CDH4: variants seen among roughly 807,000 people sequenced by gnomAD.
The protein encoded by CDH4 is cadherin 4, also known as cadherin-4.
Under a neutral mutation model 86.0 loss-of-function variants are expected in CDH4, and 33 were observed. The ratio of observed to expected loss-of-function variants is 0.38; its 90% confidence interval spans 0.29 to 0.51. The LOEUF is 0.51. CDH4 is among the 20% of genes least tolerant of loss of function. The pLI, the probability that CDH4 is intolerant of heterozygous loss-of-function variation, is 0.86. For synonymous variants in CDH4, 555 were observed against 549.4 expected, an observed-to-expected ratio of 1.01 and a Z score of -0.14; for missense variants, 1,114 against 1,307.4, an observed-to-expected ratio of 0.85 and a Z score of 2.28.
At position 61,829,568 on chromosome 20, in the gene CDH4, C is replaced by T. The variant is rs1012774685; in HGVS notation, c.577-15100C>T. Among the ~76,000 whole-genome samples, 11 of 152,350 alleles carry T rather than the reference C, an allele frequency of 7.2e-5. No homozygotes were observed. Among genetic ancestry groups the T allele is most frequent in the African/African-American group, 2.6e-4 (11 of 41,584 alleles). On this transcript the variant is annotated intron_variant, in intron 4 of 15. Coordinates refer to ENST00000614565, the MANE Select transcript of CDH4 (RefSeq NM_001794.5). The surrounding 1 kb of genome is among the most constrained non-coding windows in gnomAD (Gnocchi z 4.2). ...GCTCTGCTCGCCTTTCTGGAGGCCACGAGCCTGTTTTCCACGGCGGCTCTG... is the reference window on the plus strand; with the variant it reads ...GCTCTGCTCGCCTTTCTGGAGGCCATGAGCCTGTTTTCCACGGCGGCTCTG...
At chr20:61,579,051 C>A (rs911649809) in intron 2 of CDH4, among the ~76,000 whole-genome samples, 2 of 152,128 alleles carry the variant, frequency 1.3e-5, no homozygotes, top group African/African-American at 4.8e-5. Context: ...CTCAGTCCTG[C>A]GGGGCCATGC....
At chr20:61,441,671 G>A (rs1321970703) in intron 2 of CDH4, among the ~76,000 whole-genome samples, 1 of 152,158 alleles carries the variant, frequency 6.6e-6, no homozygotes, top group African/African-American at 2.4e-5. Flanking sequence ...TTCCATGTGA[G>A]CACACATAGA....
chr20:61,480,009 T>C lies in CDH4; in HGVS notation c.169+225072T>C, dbSNP rs1373802562. On this transcript the variant is annotated intron_variant, in intron 2 of 15. Coordinates refer to ENST00000614565, the MANE Select transcript of CDH4 (RefSeq NM_001794.5). This position sits in a 1 kb window ranked among gnomAD's most constrained non-coding sequence, Gnocchi z 5.2. ...TGTGTATTTTTCATTTCAGACCTTATAGTTTTCATCTATAGAAGTCTGATT... is the reference window on the plus strand; with the variant it reads ...TGTGTATTTTTCATTTCAGACCTTACAGTTTTCATCTATAGAAGTCTGATT... 2.0e-5 allele frequency among the ~76,000 whole-genome samples: 3 copies of C among 152,244 alleles called. No homozygotes were observed. Among genetic ancestry groups the C allele is most frequent in the African/African-American group, 4.8e-5 (2 of 41,464 alleles).
chr20:61,412,227 A>G (rs2085123533), intron 2 of CDH4, among the ~76,000 whole-genome samples: 1 of 152,170 alleles, frequency 6.6e-6, no homozygotes, highest in Non-Finnish European at 1.5e-5. Flanking sequence ...CAAACACTCT[A>G]GCAAGAAACT....
At chr20:61,925,616 G>A (rs2055037006) in intron 11 of CDH4, among the ~76,000 whole-genome samples, 1 of 152,342 alleles carries the variant, frequency 6.6e-6, no homozygotes, top group South Asian at 2.1e-4. Context: ...CCCTGCTGTG[G>A]CTTGGCTGAC....
At chr20:61,404,641 C>T (rs1378620990) in intron 2 of CDH4, among the ~76,000 whole-genome samples, 1 of 151,818 alleles carries the variant, frequency 6.6e-6, no homozygotes, top group Non-Finnish European at 1.5e-5. Context: ...CCAAATTTCC[C>T]ATTAATCTGA....
intron 4 of CDH4, among the ~76,000 whole-genome samples, chr20:61,775,660 C>T (rs1227853931): frequency 1.3e-5 from 2 of 152,204 alleles, no homozygotes; most frequent in Non-Finnish European, 2.9e-5. Context: ...AAGGGCTGCC[C>T]AAGCCACCCT....
At chr20:61,349,205 A>T (rs1416545814) in intron 2 of CDH4, among the ~76,000 whole-genome samples, 3 of 152,196 alleles carry the variant, frequency 2.0e-5, no homozygotes, top group Non-Finnish European at 4.4e-5. Context: ...CATCAGGAAC[A>T]GACAGCGGGG....
At chr20:61,303,041 G>A (rs940875773) in intron 2 of CDH4, among the ~76,000 whole-genome samples, 6 of 152,136 alleles carry the variant, frequency 3.9e-5, no homozygotes, top group Admixed American at 2.0e-4. Context: ...CTTGGCCCAG[G>A]GAAACCCATA....
At chr20:61,522,698 C>A (rs1026265732) in intron 2 of CDH4, among the ~76,000 whole-genome samples, 1 of 152,260 alleles carries the variant, frequency 6.6e-6, no homozygotes, top group Admixed American at 6.5e-5. Context: ...CCCTTGTTCA[C>A]CCGGCTGCGG....
intron 2 of CDH4, among the ~76,000 whole-genome samples, chr20:61,312,176 G>A (rs1288312118): frequency 1.3e-5 from 2 of 148,894 alleles, no homozygotes; most frequent in African/African-American, 5.0e-5. Flanking sequence ...CGTGTGGGAT[G>A]TTTGTGATGT....
At chr20:61,382,173 A>G (rs544427363) in intron 2 of CDH4, among the ~76,000 whole-genome samples, 1 of 152,360 alleles carries the variant, frequency 6.6e-6, no homozygotes, top group East Asian at 1.9e-4. Context: ...ATCATGTTTC[A>G]TTTAACTAGA....
intron 2 of CDH4, among the ~76,000 whole-genome samples, chr20:61,357,557 C>T (rs144038087): frequency 9.1e-4 from 139 of 152,310 alleles, no homozygotes; most frequent in Non-Finnish European, 1.6e-3. Flanking sequence ...GGTTCCATAT[C>T]CCCATTCCTA....
intron 8 of CDH4, among the ~76,000 whole-genome samples, chr20:61,901,668 C>T (rs1440063470): frequency 6.6e-6 from 1 of 152,270 alleles, no homozygotes; most frequent in Non-Finnish European, 1.5e-5. Flanking sequence ...CCGGGAGAAG[C>T]AGCACCCAAC....
At chr20:61,843,168 C>T (rs1170785905) in intron 4 of CDH4, among the ~76,000 whole-genome samples, 2 of 151,274 alleles carry the variant, frequency 1.3e-5, no homozygotes, top group Admixed American at 6.6e-5. Flanking sequence ...GCCAGAAGTT[C>T]GGCCAGGCGC....
At chr20:61,293,415 A>C (rs2084334422) in intron 2 of CDH4, among the ~76,000 whole-genome samples, 1 of 151,746 alleles carries the variant, frequency 6.6e-6, no homozygotes, top group Non-Finnish European at 1.5e-5. Flanking sequence ...TACAGCTCCG[A>C]CCCCTGGCTG....
intron 2 of CDH4, among the ~76,000 whole-genome samples, chr20:61,558,975 A>G (rs2145683939): frequency 6.6e-6 from 1 of 152,290 alleles, no homozygotes; most frequent in African/African-American, 2.4e-5. Flanking sequence ...TAAAGACTAA[A>G]TTATTTTCTT....
At chr20:61,858,966 T>C (rs1282908033) in intron 6 of CDH4, among the ~76,000 whole-genome samples, 1 of 152,120 alleles carries the variant, frequency 6.6e-6, no homozygotes, top group East Asian at 1.9e-4. Context: ...AGCAGGCGTT[T>C]GTTTTGTGGG....
chr20:61,465,520 A>G (rs1331162846), intron 2 of CDH4, among the ~76,000 whole-genome samples: 3 of 152,302 alleles, frequency 2.0e-5, no homozygotes, highest in East Asian at 3.9e-4. Context: ...TGCAGGAGGG[A>G]CAGTGCCTAG....
Sources: gnomAD v4.1 joint callset for allele counts (sites outside exome capture counted in the v4.1 genomes callset) on GRCh38, gnomAD v4.1.1 for gene constraint, Gnocchi (gnomAD v3.1) non-coding constraint, MANE v1.5 for transcripts, NCBI Gene and HGNC (gene_info 2026-07-23, HGNC 2026-07-21) for gene names.